The following OLFM3 variants were observed in gnomAD, a reference collection of about 807,000 sequenced individuals.
OLFM3 encodes olfactomedin 3.
Under a neutral mutation model 48.6 loss-of-function variants are expected in OLFM3, and 20 were observed. That is an observed-to-expected ratio of 0.41 (90% CI 0.29 to 0.60). The LOEUF is 0.60. OLFM3 is among the 20% of genes least tolerant of loss of function. The pLI, the probability that OLFM3 is intolerant of heterozygous loss-of-function variation, is 0.28. For missense variants in OLFM3, 437 were observed against 544.3 expected, an observed-to-expected ratio of 0.80 and a Z score of 1.96; for synonymous variants, 222 against 198.1, an observed-to-expected ratio of 1.12 and a Z score of -1.01.
intron 1 of OLFM3, among the ~76,000 whole-genome samples, chr1:101,906,558 A>G (rs1285789516): frequency 6.6e-6 from 1 of 152,146 alleles, no homozygotes. Flanking sequence ...TAGCTTAGTA[A>G]TCTTTTCATA....
intron 1 of OLFM3, among the ~76,000 whole-genome samples, chr1:101,872,417 G>A (rs1439476555): frequency 6.6e-6 from 1 of 151,980 alleles, no homozygotes; most frequent in Non-Finnish European, 1.5e-5. Flanking sequence ...AAGGTATTTA[G>A]GATTGATTGG....
chr1:101,905,319 C>A (rs1480312619), intron 1 of OLFM3, among the ~76,000 whole-genome samples: 1 of 152,124 alleles, frequency 6.6e-6, no homozygotes. Flanking sequence ...CTCAATGAAA[C>A]TTCCTGAAAC....
chr1:101,983,305 T>C (rs1314583758), intron 1 of OLFM3, among the ~76,000 whole-genome samples: 1 of 152,238 alleles, frequency 6.6e-6, no homozygotes, highest in African/African-American at 2.4e-5. Context: ...ATTGTCTAGT[T>C]AACCTTTCTT....
chr1:101,819,307 C>G (rs1480019975), intron 4 of OLFM3, among the ~76,000 whole-genome samples: 1 of 152,096 alleles, frequency 6.6e-6, no homozygotes, highest in Non-Finnish European at 1.5e-5. Context: ...CCTGGAGAAT[C>G]AGGCAGAGCC....
Position 101,806,122 on chromosome 1 carries a change from A to C in OLFM3, c.653T>G (p.Phe218Cys). Reference protein sequence around the residue: ...PVTVKTSGTRFGAWMTDPLAS... With the variant: ...PVTVKTSGTRCGAWMTDPLAS... ...TAAAGGGTCTGTCATCCAAGCACCA[A>C]ATCGGGTTCCAGATGTCTTGACTGT... The change falls in exon 5 of 6, where the codon TTT (phenylalanine) becomes TGT (cysteine). Residue 218 changes from phenylalanine (F) to cysteine (C), a missense_variant. Transcript: ENST00000370103. 6.2e-7 allele frequency: 1 copy of C among 1,612,186 alleles called. No homozygotes were observed. The highest frequency in any genetic ancestry group is 8.5e-7 in the Non-Finnish European group (1 of 1,178,716).
intron 1 of OLFM3, among the ~76,000 whole-genome samples, chr1:101,922,989 T>A (rs1215581604): frequency 6.6e-6 from 1 of 152,200 alleles, no homozygotes; most frequent in Non-Finnish European, 1.5e-5. Context: ...AATATAAAGA[T>A]AAAAGAGTGA....
intron 1 of OLFM3, among the ~76,000 whole-genome samples, chr1:101,956,112 C>A (rs1211022172): frequency 4.7e-5 from 5 of 106,084 alleles, no homozygotes; most frequent in East Asian, 2.8e-4. Context: ...TTAAAAAAAA[C>A]CTTTACAGAA....
chr1:101,816,864 G>C (rs1299908269), intron 4 of OLFM3, among the ~76,000 whole-genome samples: 1 of 152,124 alleles, frequency 6.6e-6, no homozygotes, highest in East Asian at 1.9e-4. Flanking sequence ...AAAGCTGACA[G>C]AGCTCTCGAT....
chr1:101,875,807 G>A, intron 1 of OLFM3, among the ~76,000 whole-genome samples: 1 of 152,018 alleles, frequency 6.6e-6, no homozygotes, highest in East Asian at 1.9e-4. Context: ...TAATCTTGCT[G>A]GAATGGCCCT....
intron 3 of OLFM3, 76 bp downstream of exon 3, chr1:101,830,596 T>C: frequency 6.7e-7 from 1 of 1,492,714 alleles, no homozygotes; most frequent in South Asian, 1.1e-5. Flanking sequence ...CATTCATTTC[T>C]AGCTGAGTGC....
chr1:101,978,767 C>G (rs965444729), intron 1 of OLFM3, among the ~76,000 whole-genome samples: 1 of 152,080 alleles, frequency 6.6e-6, no homozygotes, highest in African/African-American at 2.4e-5. Context: ...TTTATGCGCT[C>G]CTTTCATTCT....
At chr1:101,820,566 GC>G (rs578158353) in intron 4 of OLFM3, among the ~76,000 whole-genome samples, 526 of 152,116 alleles carry the variant, frequency 3.5e-3, no homozygotes, top group African/African-American at 0.012. Context: ...CCTCATTCAG[GC>G]CAGAGGTCCA....
chr1:101,841,219 T>C (rs1025706153), intron 1 of OLFM3, among the ~76,000 whole-genome samples: 1 of 152,194 alleles, frequency 6.6e-6, no homozygotes, highest in Non-Finnish European at 1.5e-5. Context: ...TCAATAGATT[T>C]TTTGCTTATA....
At chr1:101,971,178 A>G (rs544810209) in intron 1 of OLFM3, among the ~76,000 whole-genome samples, 2 of 152,196 alleles carry the variant, frequency 1.3e-5, no homozygotes, top group African/African-American at 4.8e-5. Flanking sequence ...AGTGGGCATC[A>G]ATTGTTCTGG....
At chr1:101,861,028 G>A (rs1176897713) in intron 1 of OLFM3, among the ~76,000 whole-genome samples, 2 of 152,038 alleles carry the variant, frequency 1.3e-5, no homozygotes, top group African/African-American at 4.8e-5. Context: ...TGTGTTCTCA[G>A]CAGCTACAGA....
intron 1 of OLFM3, among the ~76,000 whole-genome samples, chr1:101,844,057 C>A (rs1490559612): frequency 6.6e-6 from 1 of 152,088 alleles, no homozygotes; most frequent in Admixed American, 6.6e-5. Flanking sequence ...AGCTGTCAAC[C>A]CTTCCATCTA....
chr1:101,981,516 T>C (rs995263431), intron 1 of OLFM3, among the ~76,000 whole-genome samples: 1 of 152,216 alleles, frequency 6.6e-6, no homozygotes, highest in African/African-American at 2.4e-5. Context: ...CTCAGAATTC[T>C]CCAGTTTCAT....
intron 1 of OLFM3, among the ~76,000 whole-genome samples, chr1:101,887,753 G>A (rs1190080955): frequency 6.6e-6 from 1 of 151,706 alleles, no homozygotes; most frequent in African/African-American, 2.4e-5. Flanking sequence ...TAATCTTTGT[G>A]TATAAGTAAT....
At chr1:101,988,043 A>T (rs10782865) in intron 1 of OLFM3, among the ~76,000 whole-genome samples, 80,321 of 151,786 alleles carry the variant, frequency 0.53, 21,566 homozygotes, top group East Asian at 0.73. Context: ...TAGTAGAAAA[A>T]TGGAGGCAAT....
Sources: gnomAD v4.1 joint callset for allele counts (sites outside exome capture counted in the v4.1 genomes callset) on GRCh38, gnomAD v4.1.1 for gene constraint, MANE v1.5 for transcripts, NCBI Gene and HGNC (gene_info 2026-07-23, HGNC 2026-07-21) for gene names.